Variants in GFRA3 observed in about 807,000 individuals in gnomAD.
GFRA3 encodes the protein GDNF family receptor alpha 3, also known as GDNF family receptor alpha-3.
In GFRA3, 24 loss-of-function variants were observed where a neutral mutation model predicts 40.0. That is an observed-to-expected ratio of 0.60 (90% CI 0.43 to 0.84). The LOEUF (loss-of-function observed/expected upper bound fraction) is 0.84, where lower values mean the gene tolerates loss of function less well. GFRA3 is among the 40% of genes least tolerant of loss of function. The pLI, the probability that GFRA3 is intolerant of heterozygous loss-of-function variation, is 0.00. For synonymous variants in GFRA3, 203 were observed against 213.5 expected (o/e 0.95, Z 0.43); for missense variants, 405 against 530.6 (o/e 0.76, Z 2.33).
chr5:138,255,913 AAAG>A (rs1188647006), intron 4 of GFRA3, among the ~76,000 whole-genome samples: 15 of 143,838 alleles, frequency 1.0e-4, no homozygotes, highest in African/African-American at 2.3e-4. Flanking sequence ...AAAAAAAAAA[AAAG>A]AAGAAGAAGA....
chr5:138,268,802 G>A (rs1385939250), intron 1 of GFRA3, among the ~76,000 whole-genome samples: 1 of 151,802 alleles, frequency 6.6e-6, no homozygotes, highest in Admixed American at 6.6e-5. Flanking sequence ...GTGAGCTCCT[G>A]TAGTCCCAGC....
Position 138,252,906 on chromosome 5 carries a change from C to T in GFRA3, c.*62G>A. ...TTCCTGCTGCTGTCCTTTCCTCACC[C>T]CTTGTGGGCTGCAAGTCCACCTGGG... On this transcript the variant is annotated 3_prime_UTR_variant, in exon 8 of 8. Transcript: ENST00000274721. 3.4e-6 allele frequency: 3 copies of T among 890,952 alleles called. No homozygotes were observed. The highest frequency in any genetic ancestry group is 5.7e-6 in the Non-Finnish European group (3 of 530,504). The allele number at this position is 890,952 out of a possible 1,614,324, so 55.2% of individuals were successfully genotyped here.
chr5:138,273,000 C>T (rs1755898907), intron 1 of GFRA3, among the ~76,000 whole-genome samples: 2 of 152,158 alleles, frequency 1.3e-5, no homozygotes, highest in Non-Finnish European at 2.9e-5. Flanking sequence ...CCCAGGTATC[C>T]ATTTTATAGT....
At chr5:138,258,294 C>T (rs1755664030) in intron 3 of GFRA3, among the ~76,000 whole-genome samples, 1 of 149,376 alleles carries the variant, frequency 6.7e-6, no homozygotes, top group Non-Finnish European at 1.5e-5. Context: ...AATTCTCCTG[C>T]CTCAGCCTCC....
At position 138,253,308 on chromosome 5, in the gene GFRA3, G is replaced by C; in HGVS notation, c.1092C>G (p.Thr364=). 1 of 1,599,798 alleles carries C rather than the reference G, an allele frequency of 6.3e-7. No individual in the cohort carries two copies. The highest frequency in any genetic ancestry group is 1.1e-5 in the South Asian group (1 of 88,240). ...QLFSQDWPHP[T]FAVMAHQNEN... ...CTACCTGGTGTGCCATCACAGCAAAGGTAGGGTGTGGCCAGTCCTGGGAGA... is the reference window on the plus strand; with the variant it reads ...CTACCTGGTGTGCCATCACAGCAAACGTAGGGTGTGGCCAGTCCTGGGAGA... The change falls in exon 7 of 8, where the codon ACC becomes ACG. Residue 364 remains threonine, a synonymous_variant. Transcript: ENST00000274721.
At chr5:138,261,973 G>A (rs1057110057) in intron 2 of GFRA3, among the ~76,000 whole-genome samples, 2 of 152,132 alleles carry the variant, frequency 1.3e-5, no homozygotes, top group Non-Finnish European at 1.5e-5. Context: ...CCTGATAAGG[G>A]CTAGGTGCTT....
In GFRA3 at chr5:138,274,541, C is replaced by T. The variant is rs899369008; in HGVS notation, c.-117G>A. The T allele has an allele frequency of 1.6e-6, 2 of 1,233,902 alleles. No individual in the cohort carries two copies. The highest frequency in any genetic ancestry group is 1.6e-5 in the African/African-American group (1 of 64,356). The allele number at this position is 1,233,902 out of a possible 1,614,324, so 76.4% of individuals were successfully genotyped here. On this transcript the variant is annotated 5_prime_UTR_variant, in exon 1 of 8. It adds an upstream start codon to the 5' untranslated region. Coordinates refer to ENST00000274721, the MANE Select transcript of GFRA3 (RefSeq NM_001496.4). ...GCCTCCCGCCCTCCAGCGCGACGCA[C>T]ACACTCTCCCACCAGGGTCCTGGGC...
intron 4 of GFRA3, among the ~76,000 whole-genome samples, chr5:138,255,820 A>T (rs150336400): frequency 0.019 from 2,899 of 151,848 alleles, 41 homozygotes; most frequent in Non-Finnish European, 0.029. Flanking sequence ...GAATCGCTTG[A>T]ACCCAGGAGA....
chr5:138,257,731 C>T lies in GFRA3; in HGVS notation c.693G>A (p.Arg231=), dbSNP rs975773123. 6.2e-7 allele frequency: 1 copy of T among 1,609,662 alleles called. No homozygotes were observed. The highest frequency in any genetic ancestry group is 1.3e-5 in the African/African-American group (1 of 74,896). Residue 231 remains arginine, a synonymous_variant, in exon 4 of 8, where the codon CGG becomes CGA. Coordinates refer to ENST00000274721, the MANE Select transcript of GFRA3 (RefSeq NM_001496.4). Reference sequence around the variant, plus strand: ...CGCAGTTGGGGGCGATGGTGTTGCGCCGGCGCTCCCCGCAGCCCCGGTCGT... The same window carrying T: ...CGCAGTTGGGGGCGATGGTGTTGCGTCGGCGCTCCCCGCAGCCCCGGTCGT... The part of the protein sequence containing the change: ...APNDRGCGER[R]RNTIAPNCAL...
chr5:138,264,421 G>A lies in GFRA3; in HGVS notation c.219C>T (p.Thr73=). ...CCGAAGGCTCCTCTGAGGGCAGTGG[G>A]GTGCTTATGCTAGAGGTGCAGGAAT... The part of the protein sequence containing the change: ...HLDSCTSSIS[T]PLPSEEPSVP... Residue 73 remains threonine, a synonymous_variant, in exon 2 of 8, where the codon ACC becomes ACT. Coordinates refer to ENST00000274721, the MANE Select transcript of GFRA3 (RefSeq NM_001496.4). 1.9e-6 allele frequency: 3 copies of A among 1,614,120 alleles called. No individual in the cohort carries two copies. Among genetic ancestry groups the A allele is most frequent in the Non-Finnish European group, 2.5e-6 (3 of 1,179,980 alleles).
chr5:138,257,189 G>A (rs1755643656), intron 4 of GFRA3, among the ~76,000 whole-genome samples: 2 of 152,000 alleles, frequency 1.3e-5, no homozygotes, highest in African/African-American at 4.8e-5. Context: ...GAGACCCAGG[G>A]TTTAAATTCA....
rs769614337 is a variant in GFRA3, at chr5:138,264,312, G to C, written c.328C>G (p.Gln110Glu). ...GCMCHRRMKN[Q>E]VACLDIYWTV... ...CAATAGATGTCCAAGCAGGCAACCT[G>C]GTTCTTCATGCGCCGGTGGCACATG... is the stretch of plus-strand genomic sequence containing the variant. Residue 110 changes from glutamine (Q) to glutamate (E), a missense_variant, in exon 2 of 8, where the codon CAG becomes GAG. Physicochemically the swap from Gln to Glu is conservative, Grantham distance 29 (BLOSUM62 2). Transcript: ENST00000274721. 3.1e-6 allele frequency: 5 copies of C among 1,612,364 alleles called. No homozygotes were observed. Among genetic ancestry groups the C allele is most frequent in the Non-Finnish European group, 2.5e-6 (3 of 1,178,656 alleles).
At chr5:138,270,139 A>G (rs1244000072) in intron 1 of GFRA3, among the ~76,000 whole-genome samples, 1 of 150,570 alleles carries the variant, frequency 6.6e-6, no homozygotes, top group African/African-American at 2.4e-5. Flanking sequence ...AGACAGTCGG[A>G]TCACAAGGTC....
chr5:138,252,904 C>T lies in GFRA3; in HGVS notation c.*64G>A. The T allele has an allele frequency of 8.0e-6, 7 of 879,540 alleles. No homozygotes were observed. The highest frequency in any genetic ancestry group is 1.3e-5 in the Non-Finnish European group (7 of 521,206). 54.5% of individuals were successfully genotyped at this position (879,540 alleles called of 1,614,324 possible). A position where few individuals can be genotyped will look rare whatever the true frequency, so the allele number is the denominator to read the frequency against. ...CCTTCCTGCTGCTGTCCTTTCCTCACCCCTTGTGGGCTGCAAGTCCACCTG... is the reference window on the plus strand; with the variant it reads ...CCTTCCTGCTGCTGTCCTTTCCTCATCCCTTGTGGGCTGCAAGTCCACCTG... On this transcript the variant is annotated 3_prime_UTR_variant, in exon 8 of 8. Coordinates refer to ENST00000274721, the MANE Select transcript of GFRA3 (RefSeq NM_001496.4).
chr5:138,269,347 C>A (rs1755832697), intron 1 of GFRA3, among the ~76,000 whole-genome samples: 1 of 151,322 alleles, frequency 6.6e-6, no homozygotes, highest in Non-Finnish European at 1.5e-5. Context: ...ACCAGCCTGG[C>A]CAACACTGCA....
At chr5:138,268,685 T>C (rs1425516101) in intron 1 of GFRA3, among the ~76,000 whole-genome samples, 1 of 151,576 alleles carries the variant, frequency 6.6e-6, no homozygotes, top group Non-Finnish European at 1.5e-5. Context: ...GGTCAGGAGA[T>C]TGAGACCATC....
At chr5:138,256,025 C>T (rs1484722263) in intron 4 of GFRA3, among the ~76,000 whole-genome samples, 9 of 148,938 alleles carry the variant, frequency 6.0e-5, no homozygotes, top group Non-Finnish European at 1.3e-4. Context: ...GCCAGGAGTT[C>T]GAGACTAGCC....
At chr5:138,256,565 A>AAAC (rs1491322993) in intron 4 of GFRA3, among the ~76,000 whole-genome samples, 1 of 147,026 alleles carries the variant, frequency 6.8e-6, no homozygotes, top group Non-Finnish European at 1.5e-5. Context: ...AAAAAAAAAA[A>AAAC]CAAAACAAAA....
At chr5:138,274,074 A>AG (rs869061055) in intron 1 of GFRA3, among the ~76,000 whole-genome samples, 2 of 152,010 alleles carry the variant, frequency 1.3e-5, no homozygotes, top group African/African-American at 2.4e-5. Flanking sequence ...AAGAGGGAAG[A>AG]GGGGGGAAAA....
Sources: allele counts gnomAD v4.1 joint callset (sites outside exome capture counted in the v4.1 genomes callset), GRCh38; gene constraint gnomAD v4.1.1; transcripts MANE v1.5; gene names NCBI Gene and HGNC (gene_info 2026-07-23, HGNC 2026-07-21).